RANBP2: variants seen among roughly 807,000 people sequenced by gnomAD.
The protein encoded by RANBP2 is RAN binding protein 2.
Under a neutral mutation model 303.6 loss-of-function variants are expected in RANBP2, and 57 were observed. The ratio of observed to expected loss-of-function variants is 0.19; its 90% CI spans 0.15 to 0.23. The LOEUF is 0.23. RANBP2 is among the 10% of genes least tolerant of loss of function. RANBP2 has a pLI of 1.00. For missense variants in RANBP2, 3,138 were observed against 3,780.8 expected (o/e 0.83, Z 4.46); for synonymous variants, 1,167 against 1,301.5 (o/e 0.90, Z 2.23).
At chr2:109,715,723 G>A in the RANBP2 span, among the ~76,000 whole-genome samples, 2 of 152,134 alleles carry the variant, frequency 1.3e-5, no homozygotes, top group Non-Finnish European at 2.9e-5. Flanking sequence ...CTTCCCTGGA[G>A]GATCAGTTTC....
At chr2:109,246,717 C>T in the RANBP2 span, among the ~76,000 whole-genome samples, 1 of 152,198 alleles carries the variant, frequency 6.6e-6, no homozygotes, top group Non-Finnish European at 1.5e-5. Flanking sequence ...GATGTCTCTG[C>T]TCAGATGGAC....
At chr2:109,564,257 T>C in the RANBP2 span, 1 of 993,888 alleles carries the variant, frequency 1.0e-6, no homozygotes, top group Non-Finnish European at 1.4e-6. Flanking sequence ...TTCTATATCA[T>C]GGTTTTGGGA....
chr2:108,721,526 C>G (rs1229964954), intron 1 of RANBP2, among the ~76,000 whole-genome samples: 1 of 152,124 alleles, frequency 6.6e-6, no homozygotes, highest in Non-Finnish European at 1.5e-5. Context: ...CTGCACCTTC[C>G]GCCTCCCCAG....
At chr2:109,645,586 C>T in the RANBP2 span, among the ~76,000 whole-genome samples, 3 of 152,190 alleles carry the variant, frequency 2.0e-5, no homozygotes, top group East Asian at 5.8e-4. Context: ...GCCACATGGT[C>T]TGAAGCTTGG....
chr2:108,848,626 G>A, the RANBP2 span, among the ~76,000 whole-genome samples: 8 of 152,168 alleles, frequency 5.3e-5, no homozygotes, highest in African/African-American at 1.9e-4. Context: ...TATAGTTTGC[G>A]TAAGTTGAGG....
chr2:109,659,034 C>T, the RANBP2 span, among the ~76,000 whole-genome samples: 1,738 of 151,884 alleles, frequency 0.011, 12 homozygotes, highest in Non-Finnish European at 0.018. Flanking sequence ...CATTGCACTC[C>T]AGCCTGGGTG....
the RANBP2 span, among the ~76,000 whole-genome samples, chr2:109,417,516 A>C: frequency 1.3e-5 from 2 of 152,100 alleles, no homozygotes; most frequent in Non-Finnish European, 2.9e-5. Context: ...ATGTGGCATG[A>C]GGCAGGCACA....
chr2:108,875,686 T>A, the RANBP2 span, among the ~76,000 whole-genome samples: 1 of 152,054 alleles, frequency 6.6e-6, no homozygotes, highest in African/African-American at 2.4e-5. Flanking sequence ...AGTGACACCC[T>A]GTCTCTACAA....
At chr2:109,253,474 C>T in the RANBP2 span, among the ~76,000 whole-genome samples, 2 of 152,106 alleles carry the variant, frequency 1.3e-5, no homozygotes, top group African/African-American at 2.4e-5. Flanking sequence ...TTTTTGCTGC[C>T]CAGCTCTCAT....
chr2:109,620,278 A>G, the RANBP2 span, among the ~76,000 whole-genome samples: 79,849 of 152,154 alleles, frequency 0.52, 22,424 homozygotes, highest in African/African-American at 0.73. Context: ...GCTCTTAAAT[A>G]CCAGCCTATC....
At chr2:109,731,268 T>A in the RANBP2 span, among the ~76,000 whole-genome samples, 1 of 152,230 alleles carries the variant, frequency 6.6e-6, no homozygotes, top group African/African-American at 2.4e-5. Flanking sequence ...TAAACTTTTG[T>A]GTATCGGGAG....
At chr2:109,683,316 G>T in the RANBP2 span, among the ~76,000 whole-genome samples, 23,375 of 152,166 alleles carry the variant, frequency 0.15, 2,117 homozygotes, top group African/African-American at 0.25. Flanking sequence ...TAGAAGTAGG[G>T]TATATAAGAA....
the RANBP2 span, among the ~76,000 whole-genome samples, chr2:109,273,444 G>A: frequency 2.0e-4 from 30 of 152,340 alleles, no homozygotes; most frequent in Middle Eastern, 3.4e-3. Flanking sequence ...GGAGGTGTGC[G>A]GGGCTGGGCG....
At chr2:108,820,026 C>G in the RANBP2 span, among the ~76,000 whole-genome samples, 1 of 152,110 alleles carries the variant, frequency 6.6e-6, no homozygotes, top group African/African-American at 2.4e-5. Context: ...AATTCTGGAG[C>G]TGAAAAATAC....
At chr2:108,791,795 A>G in the RANBP2 span, 119 of 1,582,244 alleles carry the variant, frequency 7.5e-5, no homozygotes, top group Middle Eastern at 6.7e-4. Flanking sequence ...TTAAAGAAAT[A>G]GAAAAAGGTA....
At chr2:109,280,406 A>G in the RANBP2 span, among the ~76,000 whole-genome samples, 5 of 152,142 alleles carry the variant, frequency 3.3e-5, no homozygotes, top group African/African-American at 1.2e-4. Context: ...GCTCTTGGCT[A>G]GGCAGGGTGA....
the RANBP2 span, among the ~76,000 whole-genome samples, chr2:109,062,451 G>T: frequency 8.4e-4 from 128 of 152,046 alleles, no homozygotes; most frequent in Non-Finnish European, 1.9e-4. Flanking sequence ...TCCCTGGCTT[G>T]CACTCCTGGT....
the RANBP2 span, among the ~76,000 whole-genome samples, chr2:108,915,670 C>A: frequency 6.6e-6 from 1 of 152,102 alleles, no homozygotes; most frequent in African/African-American, 2.4e-5. Flanking sequence ...GAGGCCGAGG[C>A]GGGAGGATCA....
At chr2:109,543,936 G>A in the RANBP2 span, 1 of 549,390 alleles carries the variant, frequency 1.8e-6, no homozygotes, top group Non-Finnish European at 3.2e-6. Context: ...TATACATATA[G>A]CCTGAAAGTA....
Sources: gnomAD v4.1 joint callset for allele counts (sites outside exome capture counted in the v4.1 genomes callset) on GRCh38, gnomAD v4.1.1 for gene constraint, MANE v1.5 for transcripts, NCBI Gene and HGNC (gene_info 2026-07-23, HGNC 2026-07-21) for gene names.